TRIM44: variants seen among roughly 807,000 people sequenced by gnomAD.
TRIM44 encodes the protein tripartite motif containing 44, also known as tripartite motif-containing protein 44.
In TRIM44, 13 loss-of-function variants were observed where a neutral mutation model predicts 37.4. That is an observed-to-expected ratio of 0.35 (90% confidence interval 0.23 to 0.55). The LOEUF (loss-of-function observed/expected upper bound fraction) is 0.55. Among genes scored for constraint, TRIM44 ranks in the 20% least tolerant of loss-of-function variants. The probability of loss-of-function intolerance (pLI) is 0.89; values close to 1 mark genes in which losing one functional copy is unlikely to be tolerated. For missense variants in TRIM44, 426 were observed against 437.2 expected (o/e 0.97, Z 0.23); for synonymous variants, 175 against 157.2 (o/e 1.11, Z -0.85).
intron 1 of TRIM44, among the ~76,000 whole-genome samples, chr11:35,680,919 CGTTT>C (rs1265298760): frequency 1.3e-5 from 2 of 151,842 alleles, no homozygotes; most frequent in African/African-American, 4.8e-5. Context: ...GACAGGGTCT[CGTTT>C]GTTCATTTTT....
At position 35,718,883 on chromosome 11, in the gene TRIM44, C is replaced by CT. The variant is rs60798593; in HGVS notation, c.748-7030dup. On this transcript the variant is annotated intron_variant, in intron 2 of 4. Transcript: ENST00000299413. Reference sequence around the variant, plus strand: ...CTCATGTATGTTCATGACCTGATAGCTTTTTTTTTTTCTTGTTTTTCTTCT... The same window carrying CT: ...CTCATGTATGTTCATGACCTGATAGCTTTTTTTTTTTTCTTGTTTTTCTTCT... Among the ~76,000 whole-genome samples, 1,274 of 143,224 alleles carry CT rather than the reference C, an allele frequency of 8.9e-3. 12 individuals are homozygous for CT. The highest frequency in any genetic ancestry group is 0.014 in the Non-Finnish European group (914 of 64,928). 94.0% of individuals were successfully genotyped at this position (143,224 alleles called of 152,430 possible). A position where few individuals can be genotyped will look rare whatever the true frequency, so the allele number is the denominator to read the frequency against.
At chr11:35,681,940 C>T (rs1851524644) in intron 1 of TRIM44, among the ~76,000 whole-genome samples, 1 of 150,750 alleles carries the variant, frequency 6.6e-6, no homozygotes, top group African/African-American at 2.4e-5. Context: ...TGCCCCTGAC[C>T]TATGTCCCAT....
chr11:35,664,637 A>G (rs1291389121), intron 1 of TRIM44, among the ~76,000 whole-genome samples: 1 of 152,212 alleles, frequency 6.6e-6, no homozygotes, highest in East Asian at 1.9e-4. Context: ...GCATTGGGAT[A>G]ACAAATACCT....
At chr11:35,672,331 G>A (rs1851403826) in intron 1 of TRIM44, among the ~76,000 whole-genome samples, 1 of 151,980 alleles carries the variant, frequency 6.6e-6, no homozygotes, top group African/African-American at 2.4e-5. Context: ...AAAAATTCTA[G>A]ACACTCCCAC....
Position 35,780,573 on chromosome 11 carries a change from A to G in TRIM44, c.1008-25785A>G, listed in dbSNP as rs60544775. On this transcript the variant is annotated intron_variant, in intron 4 of 4. Transcript: ENST00000299413. ...TGCTATCACGGTCTCATTTAATTGT[A>G]ACACTGATCCTCTGAGAAAATTCAC... 2.1e-3 allele frequency among the ~76,000 whole-genome samples: 313 copies of G among 152,344 alleles called. 4 individuals are homozygous for G. Among genetic ancestry groups the G allele is most frequent in the East Asian group, 0.015 (79 of 5,190 alleles).
At chr11:35,761,980 T>A (rs913395614) in intron 4 of TRIM44, among the ~76,000 whole-genome samples, 5 of 152,218 alleles carry the variant, frequency 3.3e-5, no homozygotes, top group Admixed American at 3.3e-4. Flanking sequence ...CTGGAGAGAT[T>A]TGAGCAGTGC....
intron 2 of TRIM44, among the ~76,000 whole-genome samples, chr11:35,702,029 G>C (rs1291453898): frequency 2.6e-5 from 4 of 152,156 alleles, no homozygotes; most frequent in Non-Finnish European, 5.9e-5. Flanking sequence ...TGGATCCATA[G>C]CAAAAGCCTC....
chr11:35,724,653 G>A (rs2135515151), intron 2 of TRIM44, among the ~76,000 whole-genome samples: 1 of 152,240 alleles, frequency 6.6e-6, no homozygotes, highest in Middle Eastern at 3.4e-3. Context: ...TTCTCACTTT[G>A]TTAGCCTTTC....
intron 4 of TRIM44, among the ~76,000 whole-genome samples, chr11:35,764,272 A>G (rs1852764643): frequency 6.6e-6 from 1 of 152,212 alleles, no homozygotes. Context: ...TTGATCACCT[A>G]GTTCAGGCAG....
At chr11:35,699,631 G>C (rs556045454) in intron 2 of TRIM44, among the ~76,000 whole-genome samples, 1 of 151,452 alleles carries the variant, frequency 6.6e-6, no homozygotes, top group African/African-American at 2.4e-5. Context: ...GGAAATAAAG[G>C]GTATTCAGTT....
chr11:35,806,508 C>A lies in TRIM44; in HGVS notation c.*123C>A, dbSNP rs1311310247. The A allele has an allele frequency of 8.6e-6, 9 of 1,043,832 alleles. No homozygotes were observed. Among genetic ancestry groups the A allele is most frequent in the Non-Finnish European group, 1.3e-5 (9 of 673,054 alleles). 64.7% of individuals were successfully genotyped at this position (1,043,832 alleles called of 1,614,324 possible). On this transcript the variant is annotated 3_prime_UTR_variant, in exon 5 of 5. Coordinates refer to ENST00000299413, the MANE Select transcript of TRIM44 (RefSeq NM_017583.6). Reference sequence around the variant, plus strand: ...ACAAACGTACTTCCACCAGATGTGTCCCCAGATCCACAGCAGGCACATATC... The same window carrying A: ...ACAAACGTACTTCCACCAGATGTGTACCCAGATCCACAGCAGGCACATATC...
intron 1 of TRIM44, among the ~76,000 whole-genome samples, chr11:35,682,956 C>T (rs189046468): frequency 6.6e-6 from 1 of 152,046 alleles, no homozygotes; most frequent in Non-Finnish European, 1.5e-5. Context: ...GAGCTCTTGC[C>T]GAAGAGCTTA....
chr11:35,782,808 G>T (rs189099067), intron 4 of TRIM44, among the ~76,000 whole-genome samples: 1 of 152,282 alleles, frequency 6.6e-6, no homozygotes, highest in Admixed American at 6.5e-5. Flanking sequence ...ACTCTTCTCC[G>T]GAGTAGAAGT....
chr11:35,700,917 CAATT>C (rs1851779373), intron 2 of TRIM44, among the ~76,000 whole-genome samples: 1 of 152,056 alleles, frequency 6.6e-6, no homozygotes, highest in East Asian at 1.9e-4. Context: ...TTCTTAAAGT[CAATT>C]AATTAGAGCT....
intron 2 of TRIM44, among the ~76,000 whole-genome samples, chr11:35,700,823 A>G (rs114368768): frequency 0.013 from 1,945 of 152,334 alleles, 45 homozygotes; most frequent in African/African-American, 0.044. Context: ...TTTTAAAAGC[A>G]GTTTTAATTT....
At chr11:35,746,243 C>G (rs1852488905) in intron 4 of TRIM44, among the ~76,000 whole-genome samples, 1 of 152,108 alleles carries the variant, frequency 6.6e-6, no homozygotes, top group Non-Finnish European at 1.5e-5. Flanking sequence ...CAACTTCAGT[C>G]TATGTTTTAA....
At chr11:35,712,299 G>A (rs748874964) in intron 2 of TRIM44, among the ~76,000 whole-genome samples, 13 of 152,150 alleles carry the variant, frequency 8.5e-5, no homozygotes, top group Non-Finnish European at 1.3e-4. Flanking sequence ...ACTGCTTGGT[G>A]CCCAACTATA....
intron 4 of TRIM44, among the ~76,000 whole-genome samples, chr11:35,794,878 T>G (rs1346998102): frequency 6.6e-6 from 1 of 152,240 alleles, no homozygotes; most frequent in African/African-American, 2.4e-5. Flanking sequence ...AACAAAATAG[T>G]TAAAGCCGTT....
chr11:35,784,690 G>A (rs1191382778), intron 4 of TRIM44, among the ~76,000 whole-genome samples: 1 of 152,116 alleles, frequency 6.6e-6, no homozygotes, highest in East Asian at 1.9e-4. Context: ...TGTTTATTTT[G>A]CCTCTAACAC....
Sources: allele counts gnomAD v4.1 joint callset (sites outside exome capture counted in the v4.1 genomes callset), GRCh38; gene constraint gnomAD v4.1.1; transcripts MANE v1.5; gene names NCBI Gene and HGNC (gene_info 2026-07-23, HGNC 2026-07-21).